The following MSN variants were observed in gnomAD, a reference collection of about 807,000 sequenced individuals.
MSN encodes the protein moesin.
In MSN, 2 loss-of-function variants were observed where a neutral mutation model predicts 48.0. That is an observed-to-expected ratio of 0.04 (90% CI 0.02 to 0.13). MSN has a LOEUF of 0.13. Ranked by LOEUF, MSN falls within the 10% of genes least tolerant of loss-of-function variation. The pLI, the probability that MSN is intolerant of heterozygous loss-of-function variation, is 1.00. For synonymous variants in MSN, 146 were observed against 166.9 expected (o/e 0.87, Z 0.97); for missense variants, 267 against 470.1 (o/e 0.57, Z 3.99).
At chrX:65,729,998 C>A (rs757318957) in intron 4 of MSN, among the ~76,000 whole-genome samples, 20 of 112,243 alleles carry the variant, frequency 1.8e-4, no homozygotes, top group Non-Finnish European at 3.2e-4. Context: ...TGAGTAATTT[C>A]TTTCACCCAT....
chrX:65,618,044 T>C (rs1266494323), intron 1 of MSN, among the ~76,000 whole-genome samples: 1 of 110,752 alleles, frequency 9.0e-6, no homozygotes, highest in Non-Finnish European at 1.9e-5. Context: ...TCCTGAGTTC[T>C]AGTTTGATTG....
In MSN at chrX:65,738,964, G is replaced by A; in HGVS notation, c.1345-6G>A. 1 of 1,210,363 alleles carries A rather than the reference G, an allele frequency of 8.3e-7. No homozygotes were observed. The highest frequency in any genetic ancestry group is 1.1e-6 in the Non-Finnish European group (1 of 894,290). ...ACAGTCTTTCTCTCCTTCTGTCACT[G>A]GACAGGCCCAGATGGTACAGGAAGA... On this transcript the variant is annotated splice_polypyrimidine_tract_variant and splice_region_variant and intron_variant, in intron 11 of 12. Transcript: ENST00000360270.
At chrX:65,736,295 G>A (rs769566467) in intron 8 of MSN, among the ~76,000 whole-genome samples, 6 of 110,989 alleles carry the variant, frequency 5.4e-5, no homozygotes, top group Middle Eastern at 9.3e-3. Context: ...ACAGGGCCCC[G>A]TGTACACTGG....
intron 1 of MSN, among the ~76,000 whole-genome samples, chrX:65,701,994 C>T (rs1470556878): frequency 9.4e-6 from 1 of 106,750 alleles, no homozygotes; most frequent in African/African-American, 3.4e-5. Context: ...GGATGTGGAC[C>T]GTATTCAATT....
At chrX:65,621,193 G>T (rs1229664081) in intron 1 of MSN, among the ~76,000 whole-genome samples, 1 of 111,706 alleles carries the variant, frequency 9.0e-6, no homozygotes, top group Non-Finnish European at 1.9e-5. Context: ...GGGATTACAG[G>T]CATGAGCCTC....
In MSN at chrX:65,716,808, C is replaced by G. The variant is rs375650978; in HGVS notation, c.13-10C>G. 1 of 1,205,069 alleles carries G rather than the reference C, an allele frequency of 8.3e-7. No homozygotes were observed. Among genetic ancestry groups the G allele is most frequent in the African/African-American group, 1.8e-5 (1 of 56,646 alleles). On this transcript the variant is annotated splice_polypyrimidine_tract_variant and intron_variant, in intron 1 of 12. Coordinates refer to ENST00000360270, the MANE Select transcript of MSN (RefSeq NM_002444.3). ...AGATGACTAACCTGCTTCCTTTGAT[C>G]TCATCCTAGATCAGTGTGCGTGTGA...
chrX:65,724,147 C>CTT (rs761089353), intron 2 of MSN, among the ~76,000 whole-genome samples: 5 of 99,197 alleles, frequency 5.0e-5, no homozygotes, highest in Non-Finnish European at 4.1e-5. Context: ...CTCTCTCTCT[C>CTT]TTTTTTTTTT....
intron 1 of MSN, among the ~76,000 whole-genome samples, chrX:65,661,440 G>T (rs1273852931): frequency 2.7e-5 from 3 of 112,275 alleles, no homozygotes; most frequent in African/African-American, 9.7e-5. Context: ...CATTGAACCA[G>T]CCTCGCACTC....
intron 2 of MSN, among the ~76,000 whole-genome samples, chrX:65,722,538 C>G (rs779251951): frequency 9.1e-6 from 1 of 109,896 alleles, no homozygotes; most frequent in Non-Finnish European, 1.9e-5. Flanking sequence ...GATCCTCCCA[C>G]TTCAGCCTTC....
intron 1 of MSN, among the ~76,000 whole-genome samples, chrX:65,687,034 T>G (rs1170661685): frequency 1.8e-5 from 2 of 111,729 alleles, no homozygotes; most frequent in African/African-American, 3.3e-5. Context: ...TATAATCATC[T>G]CTCAACCATC....
At chrX:65,729,836 G>T in intron 4 of MSN, 124 bp downstream of exon 4, 1 of 721,835 alleles carries the variant, frequency 1.4e-6, no homozygotes, top group Non-Finnish European at 2.0e-6. Flanking sequence ...TGAAGACTGT[G>T]TTATGCTGCT....
chrX:65,622,669 C>T (rs2070462154), intron 1 of MSN, among the ~76,000 whole-genome samples: 1 of 108,969 alleles, frequency 9.2e-6, no homozygotes, highest in Non-Finnish European at 1.9e-5. Flanking sequence ...GGTGCACACC[C>T]CTACACCCAG....
At chrX:65,622,456 T>G (rs1306113118) in intron 1 of MSN, among the ~76,000 whole-genome samples, 1 of 109,633 alleles carries the variant, frequency 9.1e-6, no homozygotes, top group African/African-American at 3.3e-5. Context: ...CTTATTGCTC[T>G]AGCCAGAACT....
intron 1 of MSN, among the ~76,000 whole-genome samples, chrX:65,600,344 T>C (rs182830596): frequency 1.6e-3 from 178 of 111,746 alleles, no homozygotes; most frequent in African/African-American, 5.5e-3. Context: ...TCTAAATGCG[T>C]CTGTACCTTC....
Position 65,635,203 on chromosome X carries a change from G to T in MSN, c.-22+46591G>T, listed in dbSNP as rs1459345032. 1.4e-4 allele frequency among the ~76,000 whole-genome samples: 15 copies of T among 110,194 alleles called. No homozygotes were observed. In the Admixed American group the frequency reaches 1.4e-3, roughly 10 times the overall value. ...TTTTGTCTTATCCTTTCTGTTTGTTGCTCTGCCTCTTGTCTTTTCTTCTCT... is the reference window on the plus strand; with the variant it reads ...TTTTGTCTTATCCTTTCTGTTTGTTTCTCTGCCTCTTGTCTTTTCTTCTCT... On this transcript the variant is annotated intron_variant, in intron 1 of 3. Coordinates refer to the MSN transcript ENST00000609672.
chrX:65,655,310 C>T (rs1569458687), intron 1 of MSN, among the ~76,000 whole-genome samples: 1 of 111,125 alleles, frequency 9.0e-6, no homozygotes, highest in Admixed American at 9.6e-5. Flanking sequence ...GGCCAAGTGA[C>T]CTTACTTCCT....
At chrX:65,591,702 G>A in intron 1 of MSN, among the ~76,000 whole-genome samples, 1 of 111,899 alleles carries the variant, frequency 8.9e-6, no homozygotes, top group South Asian at 3.7e-4. Context: ...CTGGGGCAAG[G>A]CTAGCTAGGC....
chrX:65,620,062 C>T (rs34682058), intron 1 of MSN, among the ~76,000 whole-genome samples: 4 of 112,069 alleles, frequency 3.6e-5, no homozygotes, highest in Non-Finnish European at 5.6e-5. Flanking sequence ...GCAATCTGCC[C>T]GTTCTCAGAT....
intron 1 of MSN, among the ~76,000 whole-genome samples, chrX:65,646,081 G>A (rs1257657083): frequency 1.8e-5 from 2 of 111,972 alleles, no homozygotes; most frequent in African/African-American, 6.5e-5. Flanking sequence ...CTGGTTTCAA[G>A]CATATTGGAT....
Sources: allele counts gnomAD v4.1 joint callset (sites outside exome capture counted in the v4.1 genomes callset), GRCh38; gene constraint gnomAD v4.1.1; transcripts MANE v1.5; gene names NCBI Gene and HGNC (gene_info 2026-07-23, HGNC 2026-07-21).